Variants in FAT1 observed in about 807,000 individuals in gnomAD.
FAT1 encodes FAT atypical cadherin 1.
A neutral mutation model predicts 329.8 loss-of-function variants in FAT1; 171 were observed. That is an observed-to-expected ratio of 0.52 (90% CI 0.46 to 0.59). The LOEUF (loss-of-function observed/expected upper bound fraction) is 0.59, where lower values mean the gene tolerates loss of function less well. Ranked by LOEUF, FAT1 falls within the 20% of genes least tolerant of loss-of-function variation. The pLI is 0.00. For synonymous variants in FAT1, 2,233 were observed against 2,228.6 expected (o/e 1.00, Z -0.06); for missense variants, 5,672 against 5,774.4 (o/e 0.98, Z 0.57).
At chr4:186,678,995 G>A (rs1023961923) in intron 2 of FAT1, among the ~76,000 whole-genome samples, 4 of 152,108 alleles carry the variant, frequency 2.6e-5, no homozygotes, top group African/African-American at 9.7e-5. Flanking sequence ...ACACATACTC[G>A]ATGGAATACT....
At chr4:186,639,871 G>A (rs1320177202) in intron 3 of FAT1, 88 bp from the exon 4 acceptor site, 21 of 1,117,144 alleles carry the variant, frequency 1.9e-5, no homozygotes, top group East Asian at 1.2e-4. Flanking sequence ...GGCCAGGTGC[G>A]GTAGCTCATG....
At chr4:186,723,375 C>T (rs1343758612) in intron 1 of FAT1, among the ~76,000 whole-genome samples, 1 of 152,192 alleles carries the variant, frequency 6.6e-6, no homozygotes, top group Admixed American at 6.5e-5. Context: ...GGCGAGCTCC[C>T]GGAGGGAAGG....
intron 11 of FAT1, among the ~76,000 whole-genome samples, chr4:186,615,672 A>C (rs986332534): frequency 6.6e-6 from 1 of 151,892 alleles, no homozygotes; most frequent in Non-Finnish European, 1.5e-5. Context: ...CTGCCTCCCC[A>C]AAGTCCTCTT....
intron 3 of FAT1, among the ~76,000 whole-genome samples, chr4:186,648,572 C>G (rs542992274): frequency 6.6e-6 from 1 of 152,250 alleles, no homozygotes; most frequent in African/African-American, 2.4e-5. Context: ...GAGGGTCTTT[C>G]ACGATGCTCT....
chr4:186,604,672 CA>C (rs1219879572), intron 17 of FAT1, 98 bp from the exon 18 acceptor site: 1 of 737,686 alleles, frequency 1.4e-6, no homozygotes, highest in Non-Finnish European at 2.1e-6. Context: ...AAAATACATA[CA>C]AAACAAAGCC....
At chr4:186,642,547 T>C (rs184455783) in intron 3 of FAT1, among the ~76,000 whole-genome samples, 158 of 152,348 alleles carry the variant, frequency 1.0e-3, no homozygotes, top group Admixed American at 3.8e-3. Flanking sequence ...CTGAAAATGA[T>C]ACAAATCCAC....
intron 2 of FAT1, among the ~76,000 whole-genome samples, chr4:186,685,695 A>G (rs1743424229): frequency 6.6e-6 from 1 of 152,228 alleles, no homozygotes; most frequent in African/African-American, 2.4e-5. Context: ...TATAAAACCA[A>G]CATACATTTG....
chr4:186,659,143 GT>G (rs1742049776), intron 3 of FAT1, among the ~76,000 whole-genome samples: 1 of 152,136 alleles, frequency 6.6e-6, no homozygotes, highest in Non-Finnish European at 1.5e-5. Context: ...GCAGTGTTCG[GT>G]ACAGGATCAC....
intron 1 of FAT1, among the ~76,000 whole-genome samples, chr4:186,718,418 C>T (rs1336424275): frequency 6.6e-6 from 1 of 152,142 alleles, no homozygotes; most frequent in East Asian, 1.9e-4. Context: ...CCTGTAATCC[C>T]AGTACTTTGG....
chr4:186,663,467 G>A lies in FAT1; in HGVS notation c.3412C>T (p.Gln1138Ter), dbSNP rs770985274. 2 of 1,614,000 alleles carry A rather than the reference G, an allele frequency of 1.2e-6. No homozygotes were observed. Among genetic ancestry groups the A allele is most frequent in the South Asian group, 1.1e-5 (1 of 91,072 alleles). ...EVEDVNDNAP[Q>*]TSEPVYYPEI... Reference sequence around the variant, plus strand: ...GGGTAATAAACAGGCTCTGATGTCTGTGGTGCATTGTCATTGACATCCTCA... The same window carrying A: ...GGGTAATAAACAGGCTCTGATGTCTATGGTGCATTGTCATTGACATCCTCA... Residue 1138 changes from glutamine (Q) to a stop codon, truncating the protein, a stop_gained, in exon 3 of 27, where the codon CAG becomes TAG. Transcript: ENST00000441802. LOFTEE classifies it high-confidence loss of function.
intron 3 of FAT1, among the ~76,000 whole-genome samples, chr4:186,661,840 C>T (rs941723563): frequency 2.6e-5 from 4 of 151,960 alleles, no homozygotes; most frequent in Admixed American, 2.0e-4. Context: ...GGAGCTGGTC[C>T]GTCAGGAGTT....
chr4:186,623,136 G>C (rs1474721364), intron 9 of FAT1, among the ~76,000 whole-genome samples: 1 of 152,252 alleles, frequency 6.6e-6, no homozygotes, highest in East Asian at 1.9e-4. Flanking sequence ...CTCTGCATCC[G>C]AGCCCCAAGG....
At chr4:186,714,230 G>A (rs1054753730) in intron 1 of FAT1, among the ~76,000 whole-genome samples, 3 of 151,498 alleles carry the variant, frequency 2.0e-5, no homozygotes, top group Non-Finnish European at 4.4e-5. Context: ...CACAACGGGG[G>A]TGGGGGGCAG....
At chr4:186,675,767 C>T (rs1404188091) in intron 2 of FAT1, among the ~76,000 whole-genome samples, 2 of 144,366 alleles carry the variant, frequency 1.4e-5, no homozygotes, top group Non-Finnish European at 3.0e-5. Flanking sequence ...CACACATACA[C>T]ACGACCCTGT....
intron 7 of FAT1, 104 bp from the exon 8 acceptor site, chr4:186,628,867 G>T: frequency 1.7e-6 from 2 of 1,160,266 alleles, no homozygotes; most frequent in South Asian, 3.2e-5. Flanking sequence ...CGATACTGTG[G>T]CAAAATAAAA....
chr4:186,696,601 T>TA (rs1160306926), intron 2 of FAT1, among the ~76,000 whole-genome samples: 10 of 152,026 alleles, frequency 6.6e-5, no homozygotes, highest in African/African-American at 2.4e-4. Flanking sequence ...AAGAGGCAAG[T>TA]AAAAAAATTA....
intron 26 of FAT1, among the ~76,000 whole-genome samples, chr4:186,593,729 G>C (rs1007346992): frequency 6.6e-6 from 1 of 152,048 alleles, no homozygotes; most frequent in Admixed American, 6.6e-5. Flanking sequence ...AGGAAAACAG[G>C]TTCTTCCCTC....
Position 186,633,741 on chromosome 4 carries a change from C to T in FAT1, c.4266G>A (p.Lys1422=), listed in dbSNP as rs767385015. The change falls in exon 7 of 27, where the codon AAG becomes AAA. Residue 1422 remains lysine (K), a synonymous_variant. Transcript: ENST00000441802. ...IVAKPLDAEQ[K]SNYNLTVEAT... ...CCTCGACTGTGAGGTTGTAGTTTGA[C>T]TTCTGTTCTGCATCAAGAGGTTTGG... 2.7e-5 allele frequency: 43 copies of T among 1,613,848 alleles called. No individual in the cohort carries two copies. The highest frequency in any genetic ancestry group is 3.6e-5 in the Non-Finnish European group (43 of 1,179,884).
intron 3 of FAT1, 113 bp downstream of exon 3, chr4:186,663,186 A>G: frequency 1.1e-6 from 1 of 914,188 alleles, no homozygotes; most frequent in Non-Finnish European, 1.6e-6. Context: ...ATTCAAAAGG[A>G]AAACAATTTA....
Sources: gnomAD v4.1 joint callset for allele counts (sites outside exome capture counted in the v4.1 genomes callset) on GRCh38, gnomAD v4.1.1 for gene constraint, MANE v1.5 for transcripts, NCBI Gene and HGNC (gene_info 2026-07-23, HGNC 2026-07-21) for gene names.